EFHD2: variants seen among roughly 807,000 people sequenced by gnomAD.
The protein encoded by EFHD2 is EF-hand domain family member D2, also known as EF-hand domain-containing protein D2.
Under a neutral mutation model 20.3 loss-of-function variants are expected in EFHD2, and 12 were observed. That is an observed-to-expected ratio of 0.59 (90% CI 0.38 to 0.96). EFHD2 has a LOEUF of 0.96. Ranked by LOEUF, EFHD2 falls within the 40% of genes least tolerant of loss-of-function variation. EFHD2 has a pLI of 0.00. For missense variants in EFHD2, 250 were observed against 334.3 expected (o/e 0.75, Z 1.97); for synonymous variants, 131 against 143.9 (o/e 0.91, Z 0.64).
intron 1 of EFHD2, among the ~76,000 whole-genome samples, chr1:15,410,783 C>T (rs1292941160): frequency 6.6e-6 from 1 of 151,198 alleles, no homozygotes; most frequent in East Asian, 2.0e-4. Flanking sequence ...CACCCCAGTG[C>T]CCCTCGACAC....
At chr1:15,415,189 C>T (rs1213937875) in intron 1 of EFHD2, among the ~76,000 whole-genome samples, 1 of 152,188 alleles carries the variant, frequency 6.6e-6, no homozygotes, top group Admixed American at 6.5e-5. Context: ...TTCCTGCCCT[C>T]AAGAGGCTTA....
chr1:15,420,405 G>A (rs532937094), intron 1 of EFHD2, among the ~76,000 whole-genome samples: 41 of 152,090 alleles, frequency 2.7e-4, no homozygotes, highest in Non-Finnish European at 5.4e-4. Flanking sequence ...GCAGTGGCTC[G>A]ATCAGGGCTC....
chr1:15,416,083 G>A (rs1018501097), intron 1 of EFHD2, among the ~76,000 whole-genome samples: 14 of 152,178 alleles, frequency 9.2e-5, no homozygotes, highest in African/African-American at 2.9e-4. Flanking sequence ...TCCTTACTCC[G>A]TTCCTCCCAC....
intron 1 of EFHD2, among the ~76,000 whole-genome samples, chr1:15,423,520 C>T (rs1004220054): frequency 1.3e-5 from 2 of 152,168 alleles, no homozygotes; most frequent in African/African-American, 4.8e-5. Flanking sequence ...AGTTTATGAG[C>T]CCAGCAGATC....
rs1707437893 is a variant in EFHD2 at position 15,410,093 on chromosome 1, C to G, written c.122C>G (p.Pro41Arg). The G allele has an allele frequency of 6.9e-6, 10 of 1,439,448 alleles. No individual in the cohort carries two copies. The highest frequency in any genetic ancestry group is 9.1e-6 in the Non-Finnish European group (10 of 1,101,168). The allele number at this position is 1,439,448 out of a possible 1,614,324, so 89.2% of individuals were successfully genotyped here. A position where few individuals can be genotyped will look rare whatever the true frequency, so the allele number is the denominator to read the frequency against. The change falls in exon 1 of 4, where the codon CCC (proline) becomes CGC (arginine). Residue 41 changes from proline to arginine, a missense_variant. Physicochemically the swap from Pro to Arg is moderately radical, Grantham distance 103. Transcript: ENST00000375980. ...NGAAAAAAGA[P>R]DEAAEALGSA... is the part of the protein sequence containing the mutation. The stretch of plus-strand genomic sequence containing the variant: ...GCAGCGGCGGCGGCGGCGGGGGCAC[C>G]CGACGAGGCGGCCGAGGCGCTGGGC...
Position 15,410,179 on chromosome 1 carries a change from G to A in EFHD2, c.208G>A (p.Gly70Ser), listed in dbSNP as rs772503049. The part of the protein sequence containing the change: ...LRRADLNQGI[G>S]EPQSPSRRVF... ...GCGCGCAGACCTCAACCAGGGCATCGGCGAGCCCCAGTCGCCCAGCCGCCG... is the reference window on the plus strand; with the variant it reads ...GCGCGCAGACCTCAACCAGGGCATCAGCGAGCCCCAGTCGCCCAGCCGCCG... Residue 70 changes from glycine (G) to serine (S), a missense_variant, in exon 1 of 4, where the codon GGC becomes AGC. By Grantham distance (56) the Gly-to-Ser change is moderately conservative. This residue lies in a region of EFHD2 where 143 missense variants were observed against 190.6 expected (regional missense o/e 0.75). Transcript: ENST00000375980. 6.2e-7 allele frequency: 1 copy of A among 1,604,676 alleles called. No homozygotes were observed. The highest frequency in any genetic ancestry group is 8.5e-7 in the Non-Finnish European group (1 of 1,176,814).
At chr1:15,420,531 A>ATTTATTTATTTATTTT (rs1707771432) in intron 1 of EFHD2, among the ~76,000 whole-genome samples, 1 of 151,702 alleles carries the variant, frequency 6.6e-6, no homozygotes, top group Non-Finnish European at 1.5e-5. Flanking sequence ...TTATTTATTT[A>ATTTATTTATTTATTTT]TTTTTTGAGA....
At chr1:15,423,696 A>T (rs2103278216) in intron 1 of EFHD2, among the ~76,000 whole-genome samples, 1 of 152,336 alleles carries the variant, frequency 6.6e-6, no homozygotes, top group South Asian at 2.1e-4. Flanking sequence ...AGGTGTTCAA[A>T]GTACACCTAA....
Position 15,420,382 on chromosome 1 carries a change from C to A in EFHD2, c.309-5489C>A, listed in dbSNP as rs570498234. Reference sequence around the variant, plus strand: ...TTTTAAACAAGGTCTCACTCTGTTGCCCAGGCTGAAGAGCAGTGGCTCGAT... The same window carrying A: ...TTTTAAACAAGGTCTCACTCTGTTGACCAGGCTGAAGAGCAGTGGCTCGAT... On this transcript the variant is annotated intron_variant, in intron 1 of 3. Coordinates refer to ENST00000375980, the MANE Select transcript of EFHD2 (RefSeq NM_024329.6). Among the ~76,000 whole-genome samples, 7 of 152,252 alleles carry A rather than the reference C, an allele frequency of 4.6e-5. No homozygotes were observed. The South Asian group carries it at 1.5e-3, about 32-fold the overall frequency.
intron 1 of EFHD2, among the ~76,000 whole-genome samples, chr1:15,414,808 A>C (rs1707627876): frequency 6.6e-6 from 1 of 152,232 alleles, no homozygotes; most frequent in Admixed American, 6.5e-5. Flanking sequence ...AATAACAAAA[A>C]GGGAGAAATG....
rs1707575561 is a variant in EFHD2 at position 15,413,214 on chromosome 1, G to A, written c.308+2935G>A. Among the ~76,000 whole-genome samples the A allele has an allele frequency of 6.6e-6, 1 of 152,138 alleles. No individual in the cohort carries two copies. The highest frequency in any genetic ancestry group is 2.4e-5 in the African/African-American group (1 of 41,428). On this transcript the variant is annotated intron_variant, in intron 1 of 3. Coordinates refer to ENST00000375980, the MANE Select transcript of EFHD2 (RefSeq NM_024329.6). The surrounding 1 kb of genome is among the most constrained non-coding windows in gnomAD (Gnocchi z 4.4). The stretch of plus-strand genomic sequence containing the variant: ...TCTGGGGAGAGCAGAGGGCAGAGAG[G>A]AGGGGAGCCTGCCCTCCTGGGAAGC...
At chr1:15,420,571 G>A (rs1707772012) in intron 1 of EFHD2, among the ~76,000 whole-genome samples, 1 of 151,958 alleles carries the variant, frequency 6.6e-6, no homozygotes, top group South Asian at 2.1e-4. Flanking sequence ...CCAGGCTGGA[G>A]TGCAGTGGCA....
intron 3 of EFHD2, 139 bp from the exon 4 acceptor site, chr1:15,428,454 G>A (rs1459826710): frequency 1.4e-5 from 15 of 1,088,378 alleles, no homozygotes; most frequent in Non-Finnish European, 1.7e-5. Flanking sequence ...CCAAGATTGC[G>A]CCATCGCACT....
rs1339485836 is a variant in EFHD2 at position 15,426,009 on chromosome 1, C to T, written c.447C>T (p.Ser149=). 6.3e-7 allele frequency: 1 copy of T among 1,583,624 alleles called. No homozygotes were observed. The highest frequency in any genetic ancestry group is 1.8e-5 in the Admixed American group (1 of 54,072). ...EVDEDFDSKL[S]FREFLLIFRK... is the part of the protein sequence containing the mutation. The stretch of plus-strand genomic sequence containing the variant: ...ATGAGGACTTTGACAGCAAGCTGAG[C>T]TTCCGGGAGGTAAGCCCGGCCCCCA... The change falls in exon 2 of 4, where the codon AGC becomes AGT. Residue 149 remains serine (S), a synonymous_variant. Transcript: ENST00000375980. This position sits in a 1 kb window ranked among gnomAD's most constrained non-coding sequence, Gnocchi z 4.6.
chr1:15,411,130 C>T (rs575176326), intron 1 of EFHD2, among the ~76,000 whole-genome samples: 53 of 149,336 alleles, frequency 3.5e-4, no homozygotes, highest in African/African-American at 1.3e-3. Flanking sequence ...CCCCCGTGCA[C>T]CCAGCAGCTT....
Position 15,426,529 on chromosome 1 carries a change from TACAGGGATGGACCCCAGGAAGC to T in EFHD2, c.456+518_456+539del. On this transcript the variant is annotated intron_variant, in intron 2 of 3. Coordinates refer to ENST00000375980, the MANE Select transcript of EFHD2 (RefSeq NM_024329.6). The surrounding 1 kb of genome is among the most constrained non-coding windows in gnomAD (Gnocchi z 4.6). ...AGCGATGATACTGGACCCCAGGAAG[TACAGGGATGGACCCCAGGAAGC>T]ACAGGGTTAGGTGTGGGGACTCGAG... Among the ~76,000 whole-genome samples, 1 of 151,710 alleles carries T rather than the reference TACAGGGATGGACCCCAGGAAGC, an allele frequency of 6.6e-6. No individual in the cohort carries two copies. The highest frequency in any genetic ancestry group is 1.9e-4 in the East Asian group (1 of 5,152).
intron 1 of EFHD2, among the ~76,000 whole-genome samples, chr1:15,425,512 G>A (rs772273889): frequency 6.0e-5 from 9 of 150,926 alleles, no homozygotes; most frequent in Admixed American, 2.6e-4. Context: ...GCAACGGAGC[G>A]AGACTCCATC....
At chr1:15,421,516 G>A (rs1031709191) in intron 1 of EFHD2, among the ~76,000 whole-genome samples, 17 of 152,190 alleles carry the variant, frequency 1.1e-4, no homozygotes, top group Non-Finnish European at 2.4e-4. Flanking sequence ...ATGGAGCCCA[G>A]CCCCAGTAAT....
Position 15,409,929 on chromosome 1 carries a change from T to C in EFHD2, c.-43T>C. The stretch of plus-strand genomic sequence containing the variant: ...AAGAGCGCGGCCGGCGGCGCTGCGC[T>C]GAGAGCAGGGGCCCGGCCAAGGCGA... On this transcript the variant is annotated 5_prime_UTR_variant, in exon 1 of 4. Transcript: ENST00000375980. 5.0e-6 allele frequency: 6 copies of C among 1,207,992 alleles called. No individual in the cohort carries two copies. The highest frequency in any genetic ancestry group is 6.2e-6 in the Non-Finnish European group (6 of 974,896). 74.8% of individuals were successfully genotyped at this position (1,207,992 alleles called of 1,614,324 possible). A position where few individuals can be genotyped will look rare whatever the true frequency, so the allele number is the denominator to read the frequency against.
Sources: allele counts gnomAD v4.1 joint callset (sites outside exome capture counted in the v4.1 genomes callset), GRCh38; gene constraint gnomAD v4.1.1; regional missense constraint gnomAD v4.1.1; non-coding constraint Gnocchi (gnomAD v3.1); transcripts MANE v1.5; gene names NCBI Gene and HGNC (gene_info 2026-07-23, HGNC 2026-07-21).